The following AUTS2 variants were observed in gnomAD, a reference collection of about 807,000 sequenced individuals.
AUTS2 encodes activator of transcription and developmental regulator AUTS2, also known as autism susceptibility gene 2 protein.
In AUTS2, 17 loss-of-function variants were observed where a neutral mutation model predicts 112.4. The ratio of observed to expected loss-of-function variants is 0.15; its 90% CI spans 0.10 to 0.23. AUTS2 has a LOEUF of 0.23. Among genes scored for constraint, AUTS2 ranks in the 10% least tolerant of loss-of-function variants. The pLI, the probability that AUTS2 is intolerant of heterozygous loss-of-function variation, is 1.00. For synonymous variants in AUTS2, 751 were observed against 702.7 expected, an observed-to-expected ratio of 1.07 and a Z score of -1.09; for missense variants, 1,510 against 1,701.6, an observed-to-expected ratio of 0.89 and a Z score of 1.98.
At chr7:70,527,730 TG>T (rs1799902528) in intron 5 of AUTS2, among the ~76,000 whole-genome samples, 1 of 152,234 alleles carries the variant, frequency 6.6e-6, no homozygotes, top group Non-Finnish European at 1.5e-5. Flanking sequence ...GAAGTTGTTA[TG>T]GCAACCTCAA....
At chr7:70,702,464 C>A (rs899815305) in intron 6 of AUTS2, among the ~76,000 whole-genome samples, 1 of 152,180 alleles carries the variant, frequency 6.6e-6, no homozygotes, top group Admixed American at 6.5e-5. Context: ...TATTTTACCC[C>A]GTGACTTTCT....
At chr7:70,122,936 C>T (rs994883745) in intron 3 of AUTS2, among the ~76,000 whole-genome samples, 3 of 147,482 alleles carry the variant, frequency 2.0e-5, no homozygotes, top group African/African-American at 7.5e-5. Flanking sequence ...AGTGCAGCAG[C>T]ACAATCTTGG....
At chr7:70,525,484 A>G (rs1319732493) in intron 5 of AUTS2, among the ~76,000 whole-genome samples, 1 of 152,242 alleles carries the variant, frequency 6.6e-6, no homozygotes, top group Admixed American at 6.5e-5. Context: ...AAGATATTAC[A>G]TAACATGAAA....
intron 4 of AUTS2, among the ~76,000 whole-genome samples, chr7:70,249,479 C>T (rs138070152): frequency 2.0e-5 from 3 of 152,124 alleles, no homozygotes; most frequent in Non-Finnish European, 2.9e-5. Flanking sequence ...GCTCCTGGGG[C>T]GCGTTCTTAG....
intron 1 of AUTS2, among the ~76,000 whole-genome samples, chr7:69,671,397 A>C (rs1297918900): frequency 6.6e-6 from 1 of 152,152 alleles, no homozygotes; most frequent in Non-Finnish European, 1.5e-5. Flanking sequence ...GAAAGCATAT[A>C]TGAAAGTATG....
At position 70,632,695 on chromosome 7, in the gene AUTS2, G is replaced by A. The variant is rs575619247; in HGVS notation, c.691-65874G>A. Among the ~76,000 whole-genome samples, 61 of 151,960 alleles carry A rather than the reference G, an allele frequency of 4.0e-4. 2 individuals are homozygous for A. Among genetic ancestry groups the A allele is most frequent in the Admixed American group, 3.2e-3 (49 of 15,264 alleles). ...TCTCTGAATCTTATTGCCTTTTTAT[G>A]TCTCTCTTGGGTTCTTCCTCCTGCC... On this transcript the variant is annotated intron_variant, in intron 5 of 18. Transcript: ENST00000342771.
At chr7:70,581,213 A>G (rs62455830) in intron 5 of AUTS2, among the ~76,000 whole-genome samples, 1 of 151,922 alleles carries the variant, frequency 6.6e-6, no homozygotes, top group Admixed American at 6.6e-5. Flanking sequence ...TGAAACCCCC[A>G]TCTCTACTAA....
chr7:70,553,881 C>G (rs1484089673), intron 5 of AUTS2, among the ~76,000 whole-genome samples: 1 of 148,934 alleles, frequency 6.7e-6, no homozygotes, highest in Non-Finnish European at 1.5e-5. Flanking sequence ...ATTCTCCTGC[C>G]TCAACCCTCC....
chr7:70,777,023 T>G (rs1052028587), intron 13 of AUTS2, 80 bp from the exon 14 acceptor site: 60 of 1,425,036 alleles, frequency 4.2e-5, no homozygotes, highest in Non-Finnish European at 5.8e-5. Flanking sequence ...AGCCAAAATC[T>G]GCTGAAAGCT....
intron 4 of AUTS2, among the ~76,000 whole-genome samples, chr7:70,162,394 C>T (rs111934336): frequency 0.085 from 10,520 of 124,422 alleles, 574 homozygotes; most frequent in Middle Eastern, 0.11. Flanking sequence ...TGCAGTGAGC[C>T]GAGATCCCGC....
At chr7:70,570,744 T>C (rs1459080444) in intron 5 of AUTS2, among the ~76,000 whole-genome samples, 10 of 152,194 alleles carry the variant, frequency 6.6e-5, no homozygotes, top group Admixed American at 6.5e-4. Context: ...CTCCCTCTCT[T>C]CTGTGACCTT....
intron 1 of AUTS2, among the ~76,000 whole-genome samples, chr7:69,629,282 C>T (rs12334187): frequency 1.3e-5 from 2 of 152,184 alleles, no homozygotes; most frequent in African/African-American, 4.8e-5. Context: ...ACCACCTTAA[C>T]TTTTCTGAGC....
chr7:69,669,487 T>C (rs528890119), intron 1 of AUTS2, among the ~76,000 whole-genome samples: 7 of 152,266 alleles, frequency 4.6e-5, no homozygotes, highest in African/African-American at 1.4e-4. Flanking sequence ...ATTGTTTGGC[T>C]ATATCATATT....
chr7:69,623,928 C>T (rs1793807377), intron 1 of AUTS2, among the ~76,000 whole-genome samples: 2 of 151,972 alleles, frequency 1.3e-5, no homozygotes, highest in Admixed American at 6.6e-5. Flanking sequence ...CCTCAAATCC[C>T]AAGAAATTAG....
rs541548608 is a variant in AUTS2 at position 70,174,201 on chromosome 7, T to C, written c.660+39630T>C. 2.0e-5 allele frequency among the ~76,000 whole-genome samples: 3 copies of C among 152,316 alleles called. No homozygotes were observed. The East Asian group carries it at 5.8e-4, about 29-fold the overall frequency. On this transcript the variant is annotated intron_variant, in intron 4 of 18. Coordinates refer to ENST00000342771, the MANE Select transcript of AUTS2 (RefSeq NM_015570.4). ...AGCCCTTTTGCTGATATGGAGAAAT[T>C]TTAGGAGTCTTGATGGGAGATGAAA...
At chr7:70,102,012 G>A (rs1354036026) in intron 2 of AUTS2, among the ~76,000 whole-genome samples, 2 of 151,364 alleles carry the variant, frequency 1.3e-5, no homozygotes, top group Admixed American at 1.3e-4. Flanking sequence ...ATAGCTTTAC[G>A]TATTCGTTCA....
chr7:69,616,705 T>G (rs1448415382), intron 1 of AUTS2, among the ~76,000 whole-genome samples: 1 of 152,114 alleles, frequency 6.6e-6, no homozygotes, highest in Non-Finnish European at 1.5e-5. Flanking sequence ...AGAAATAATG[T>G]GGATTTGGGG....
At chr7:69,987,640 A>T (rs1429346267) in intron 2 of AUTS2, among the ~76,000 whole-genome samples, 2 of 152,068 alleles carry the variant, frequency 1.3e-5, no homozygotes, top group Admixed American at 6.6e-5. Flanking sequence ...AAATTTTTTT[A>T]AAATATTTTA....
intron 2 of AUTS2, among the ~76,000 whole-genome samples, chr7:69,948,106 A>G (rs938004711): frequency 6.6e-6 from 1 of 152,200 alleles, no homozygotes; most frequent in African/African-American, 2.4e-5. Context: ...CATAGACTGT[A>G]ATTACATTAT....
Sources: gnomAD v4.1 joint callset for allele counts (sites outside exome capture counted in the v4.1 genomes callset) on GRCh38, gnomAD v4.1.1 for gene constraint, MANE v1.5 for transcripts, NCBI Gene and HGNC (gene_info 2026-07-23, HGNC 2026-07-21) for gene names.